The following CDIN1 variants were observed in gnomAD, a reference collection of about 807,000 sequenced individuals.
The protein encoded by CDIN1 is CDAN1-interacting nuclease 1.
Under a neutral mutation model 45.3 loss-of-function variants are expected in CDIN1, and 33 were observed. The ratio of observed to expected loss-of-function variants is 0.73; its 90% CI spans 0.55 to 0.97. The LOEUF (loss-of-function observed/expected upper bound fraction) is 0.97. Among genes scored for constraint, CDIN1 ranks in the 50% least tolerant of loss-of-function variants. CDIN1 has a pLI of 0.00. For missense variants in CDIN1, 303 were observed against 339.4 expected (o/e 0.89, Z 0.84); for synonymous variants, 118 against 124.4 (o/e 0.95, Z 0.34).
intron 10 of CDIN1, among the ~76,000 whole-genome samples, chr15:36,716,488 T>C (rs1385797106): frequency 1.3e-5 from 2 of 152,178 alleles, no homozygotes; most frequent in Non-Finnish European, 2.9e-5. Flanking sequence ...TCTAGAATAA[T>C]GGAGATCAGG....
At chr15:36,719,270 G>A (rs1459700649) in intron 10 of CDIN1, among the ~76,000 whole-genome samples, 2 of 152,018 alleles carry the variant, frequency 1.3e-5, no homozygotes, top group African/African-American at 2.4e-5. Context: ...TTTTGTAGAC[G>A]CCCTTTATCA....
intron 10 of CDIN1, among the ~76,000 whole-genome samples, chr15:36,735,904 C>T (rs1431609656): frequency 2.0e-5 from 3 of 152,116 alleles, no homozygotes; most frequent in Admixed American, 6.5e-5. Context: ...AAGTCCACAG[C>T]TGCAGAACAG....
At chr15:36,629,599 C>A (rs2039595854) in intron 1 of CDIN1, among the ~76,000 whole-genome samples, 1 of 152,108 alleles carries the variant, frequency 6.6e-6, no homozygotes, top group South Asian at 2.1e-4. Context: ...AGAATTGATA[C>A]CATTACTCTC....
chr15:36,624,459 G>T (rs1053936837), intron 1 of CDIN1, among the ~76,000 whole-genome samples: 1 of 152,182 alleles, frequency 6.6e-6, no homozygotes, highest in Admixed American at 6.5e-5. Flanking sequence ...GTGGGTGGTT[G>T]TAGAATAATT....
At position 36,579,920 on chromosome 15, in the gene CDIN1, T is replaced by C. The variant is rs749151922; in HGVS notation, c.60T>C (p.Pro20=). Residue 20 remains proline, a synonymous_variant, in exon 1 of 11, where the codon CCT becomes CCC. Coordinates refer to ENST00000566621, the MANE Select transcript of CDIN1 (RefSeq NM_001321759.2). Reference sequence around the variant, plus strand: ...CCCAGTGCCTAGTGTCTGTGCCGCCTACCAGGCAGAGCCTGAGGAAGCTGA... The same window carrying C: ...CCCAGTGCCTAGTGTCTGTGCCGCCCACCAGGCAGAGCCTGAGGAAGCTGA... ...EIAQCLVSVP[P]TRQSLRKLKQ... is the part of the protein sequence containing the mutation. 1.9e-6 allele frequency: 3 copies of C among 1,613,844 alleles called. No homozygotes were observed. The highest frequency in any genetic ancestry group is 2.5e-6 in the Non-Finnish European group (3 of 1,179,896).
At chr15:36,643,412 G>T (rs559128648) in intron 1 of CDIN1, among the ~76,000 whole-genome samples, 1 of 152,258 alleles carries the variant, frequency 6.6e-6, no homozygotes, top group African/African-American at 2.4e-5. Flanking sequence ...TACTATAAAA[G>T]TCGAATTATC....
chr15:36,719,663 C>T (rs974573079), intron 10 of CDIN1, among the ~76,000 whole-genome samples: 6 of 152,050 alleles, frequency 3.9e-5, no homozygotes, highest in African/African-American at 1.4e-4. Context: ...ATTTCCTCCT[C>T]TTTAATTTTT....
chr15:36,695,904 G>A (rs1180917080), intron 7 of CDIN1, among the ~76,000 whole-genome samples: 1 of 151,350 alleles, frequency 6.6e-6, no homozygotes, highest in Non-Finnish European at 1.5e-5. Context: ...ATTATAAGAT[G>A]GTATCTCAAA....
intron 7 of CDIN1, among the ~76,000 whole-genome samples, chr15:36,694,055 A>T (rs1052542439): frequency 5.3e-5 from 8 of 152,242 alleles, no homozygotes; most frequent in African/African-American, 1.9e-4. Context: ...TACAGATTTT[A>T]TAAGTTTTAT....
At chr15:36,801,364 G>A (rs1464357257) in intron 10 of CDIN1, among the ~76,000 whole-genome samples, 1 of 151,980 alleles carries the variant, frequency 6.6e-6, no homozygotes, top group East Asian at 1.9e-4. Context: ...TATATGTAGT[G>A]GTTTTCTCAT....
At chr15:36,585,616 C>T (rs1291644562) in intron 1 of CDIN1, among the ~76,000 whole-genome samples, 4 of 152,120 alleles carry the variant, frequency 2.6e-5, no homozygotes, top group Admixed American at 6.5e-5. Context: ...TTATTGGAGA[C>T]GTTAACCTTA....
At chr15:36,593,244 C>A (rs890718892) in intron 1 of CDIN1, among the ~76,000 whole-genome samples, 2 of 152,082 alleles carry the variant, frequency 1.3e-5, no homozygotes, top group Admixed American at 1.3e-4. Flanking sequence ...CTAAAACCAC[C>A]CCTTTCCAAG....
chr15:36,734,191 T>C (rs1043032426), intron 10 of CDIN1, among the ~76,000 whole-genome samples: 11 of 152,120 alleles, frequency 7.2e-5, no homozygotes, highest in Admixed American at 5.9e-4. Flanking sequence ...AGTAGGAACA[T>C]CTATAGTAGT....
intron 10 of CDIN1, among the ~76,000 whole-genome samples, chr15:36,713,537 T>G (rs2043127322): frequency 6.6e-6 from 1 of 152,214 alleles, no homozygotes; most frequent in Middle Eastern, 3.2e-3. Flanking sequence ...GTCCCATGAC[T>G]GGGAGCAACT....
At chr15:36,705,969 C>T (rs1044831318) in intron 8 of CDIN1, 1 of 151,940 alleles carries the variant, frequency 6.6e-6, no homozygotes, top group African/African-American at 2.4e-5. Context: ...TGTTCTTAAT[C>T]TTTATCATTT....
chr15:36,723,908 A>T (rs1039401884), intron 10 of CDIN1, among the ~76,000 whole-genome samples: 2 of 152,362 alleles, frequency 1.3e-5, no homozygotes, highest in Non-Finnish European at 2.9e-5. Context: ...TTTAATTCAA[A>T]CTAATAGGGA....
In CDIN1 at chr15:36,622,248, C is replaced by T. The variant is rs557516642; in HGVS notation, c.102-22030C>T. ...AGGTCTTCTGGCATTTTTACTGTCA[C>T]GTGTAGAGTGAAGCTAGTGGTGACC... is the stretch of plus-strand genomic sequence containing the variant. On this transcript the variant is annotated intron_variant, in intron 1 of 10. Transcript: ENST00000566621. Among the ~76,000 whole-genome samples the T allele has an allele frequency of 2.0e-4, 30 of 151,932 alleles. No homozygotes were observed. The South Asian group carries it at 3.1e-3, about 16-fold the overall frequency.
intron 10 of CDIN1, among the ~76,000 whole-genome samples, chr15:36,739,507 G>A (rs1478446600): frequency 6.6e-6 from 1 of 152,184 alleles, no homozygotes; most frequent in African/African-American, 2.4e-5. Context: ...GAAGCCCACT[G>A]CAATTTCTGA....
chr15:36,802,734 A>G (rs1308491890), intron 10 of CDIN1, among the ~76,000 whole-genome samples: 1 of 152,074 alleles, frequency 6.6e-6, no homozygotes, highest in Non-Finnish European at 1.5e-5. Context: ...TTTCTGTCTG[A>G]ACCACTGAGT....
Sources: allele counts gnomAD v4.1 joint callset (sites outside exome capture counted in the v4.1 genomes callset), GRCh38; gene constraint gnomAD v4.1.1; transcripts MANE v1.5; gene names NCBI Gene and HGNC (gene_info 2026-07-23, HGNC 2026-07-21).